The following SLC6A3 variants were observed in gnomAD, a reference collection of about 807,000 sequenced individuals.
SLC6A3 encodes sodium-dependent dopamine transporter.
In SLC6A3, 19 loss-of-function variants were observed where a neutral mutation model predicts 70.4. The ratio of observed to expected loss-of-function variants is 0.27; its 90% CI spans 0.19 to 0.40. The LOEUF (loss-of-function observed/expected upper bound fraction) is 0.40. Ranked by LOEUF, SLC6A3 falls within the 10% of genes least tolerant of loss-of-function variation. The pLI is 1.00. For synonymous variants in SLC6A3, 368 were observed against 356.6 expected, an observed-to-expected ratio of 1.03 and a Z score of -0.36; for missense variants, 613 against 838.5, an observed-to-expected ratio of 0.73 and a Z score of 3.32.
rs1330345680 is a variant in SLC6A3, at chr5:1,445,372, C to G, written c.-70G>C. 1 of 155,952 alleles carries G rather than the reference C, an allele frequency of 6.4e-6. No individual in the cohort carries two copies. Among genetic ancestry groups the G allele is most frequent in the East Asian group, 1.8e-4 (1 of 5,450 alleles). The allele number at this position is 155,952 out of a possible 1,614,324, so 9.7% of individuals were successfully genotyped here. A position where few individuals can be genotyped will look rare whatever the true frequency, so the allele number is the denominator to read the frequency against. On this transcript the variant is annotated 5_prime_UTR_variant, in exon 1 of 15. Coordinates refer to ENST00000270349, the MANE Select transcript of SLC6A3 (RefSeq NM_001044.5). ...CCTGGCCGCCCGGGCCTGGGCTTTGCACGCGAGTCCTGGCGCCGAGAGCGT... is the reference window on the plus strand; with the variant it reads ...CCTGGCCGCCCGGGCCTGGGCTTTGGACGCGAGTCCTGGCGCCGAGAGCGT...
chr5:1,441,602 C>A, intron 2 of SLC6A3, 112 bp from the exon 3 acceptor site: 1 of 1,254,334 alleles, frequency 8.0e-7, no homozygotes. Flanking sequence ...CCGACCGTTT[C>A]ACCCCACTCT....
In SLC6A3 at chr5:1,402,853, C is replaced by T; in HGVS notation, c.1767+69G>A. ...TGACCCAGGCAGGTGAGGACTGGGG[C>T]CATGGACACCCACGGAGCCTTTCTG... On this transcript the variant is annotated intron_variant, in intron 13 of 14. Coordinates refer to ENST00000270349, the MANE Select transcript of SLC6A3 (RefSeq NM_001044.5). The surrounding 1 kb of genome is among the most constrained non-coding windows in gnomAD (Gnocchi z 8.5). 1.3e-6 allele frequency: 2 copies of T among 1,506,348 alleles called. No homozygotes were observed. The highest frequency in any genetic ancestry group is 1.8e-6 in the Non-Finnish European group (2 of 1,094,970). 93.3% of individuals were successfully genotyped at this position (1,506,348 alleles called of 1,614,324 possible).
chr5:1,409,078 C>T lies in SLC6A3; in HGVS notation c.1446G>A (p.Thr482=), dbSNP rs750649054. Residue 482 remains threonine (T), a synonymous_variant, in exon 11 of 15, where the codon ACG becomes ACA. Transcript: ENST00000270349. ...CGATGAGCACTCCAAAGAGGATGGACGTGCCGGCTGCAAAATGGTCCAGGA... is the reference window on the plus strand; with the variant it reads ...CGATGAGCACTCCAAAGAGGATGGATGTGCCGGCTGCAAAATGGTCCAGGA... ...FTLLDHFAAG[T]SILFGVLIEA... The T allele has an allele frequency of 1.8e-5, 29 of 1,612,928 alleles. No homozygotes were observed. Among genetic ancestry groups the T allele is most frequent in the Middle Eastern group, 1.6e-4 (1 of 6,084 alleles).
chr5:1,402,411 C>T lies in SLC6A3; in HGVS notation c.1767+511G>A, dbSNP rs1020027535. Among the ~76,000 whole-genome samples the T allele has an allele frequency of 2.0e-5, 3 of 151,962 alleles. No individual in the cohort carries two copies. The highest frequency in any genetic ancestry group is 2.0e-4 in the Admixed American group (3 of 15,256). ...TCCACTGCCTGGGGCTCCAGCTGCC[C>T]CTGTTCAGCCAAAGTTGGGCTCGGC... On this transcript the variant is annotated intron_variant, in intron 13 of 14. Transcript: ENST00000270349. This position sits in a 1 kb window ranked among gnomAD's most constrained non-coding sequence, Gnocchi z 8.5.
At position 1,401,308 on chromosome 5, in the gene SLC6A3, A is replaced by G; in HGVS notation, c.1768-322T>C. ...GGTCCTGGAGATGGCTCTTGAGTCT[A>G]AGCTACCACGTGTGCTGGGCTCTGA... On this transcript the variant is annotated intron_variant, in intron 13 of 14. Coordinates refer to ENST00000270349, the MANE Select transcript of SLC6A3 (RefSeq NM_001044.5). This position sits in a 1 kb window ranked among gnomAD's most constrained non-coding sequence, Gnocchi z 6.1. The G allele has an allele frequency of 1.8e-6, 1 of 567,836 alleles. No homozygotes were observed. Among genetic ancestry groups the G allele is most frequent in the Non-Finnish European group, 3.3e-6 (1 of 299,132 alleles). 35.2% of individuals were successfully genotyped at this position (567,836 alleles called of 1,614,324 possible).
intron 3 of SLC6A3, among the ~76,000 whole-genome samples, chr5:1,439,966 C>T (rs752141080): frequency 6.6e-6 from 1 of 152,222 alleles, no homozygotes; most frequent in Non-Finnish European, 1.5e-5. Flanking sequence ...TAGTGTGTGC[C>T]CTTCCCAGGG....
Position 1,437,634 on chromosome 5 carries a change from C to T in SLC6A3, c.418+3725G>A, listed in dbSNP as rs1756869700. 6.6e-6 allele frequency among the ~76,000 whole-genome samples: 1 copy of T among 152,236 alleles called. No homozygotes were observed. Among genetic ancestry groups the T allele is most frequent in the Non-Finnish European group, 1.5e-5 (1 of 68,040 alleles). ...TACGGGAAATGCACGTGAGTCATGGCTGCTGAGCAGCTGGGCCTCACCATG... is the reference window on the plus strand; with the variant it reads ...TACGGGAAATGCACGTGAGTCATGGTTGCTGAGCAGCTGGGCCTCACCATG... On this transcript the variant is annotated intron_variant, in intron 3 of 14. Coordinates refer to ENST00000270349, the MANE Select transcript of SLC6A3 (RefSeq NM_001044.5). This position sits in a 1 kb window ranked among gnomAD's most constrained non-coding sequence, Gnocchi z 4.8.
chr5:1,414,491 T>G (rs185034), intron 8 of SLC6A3, among the ~76,000 whole-genome samples, 200 bp downstream of exon 8: 22,618 of 28,742 alleles, frequency 0.79, 9,470 homozygotes, highest in Non-Finnish European at 0.84. Flanking sequence ...GCCTGGAGGG[T>G]CAGGGCGGGG....
intron 14 of SLC6A3, among the ~76,000 whole-genome samples, chr5:1,395,867 G>A (rs964572997): frequency 1.1e-4 from 17 of 152,236 alleles, no homozygotes; most frequent in African/African-American, 3.9e-4. Context: ...CTGGAGGGAG[G>A]TGTGCTTGGG....
chr5:1,403,320 CTCCCATCCCA>C (rs1281829945), intron 12 of SLC6A3, among the ~76,000 whole-genome samples: 1 of 138,232 alleles, frequency 7.2e-6, no homozygotes, highest in Non-Finnish European at 1.6e-5. Context: ...CTCCCCTCCC[CTCCCATCCCA>C]TCCTGTTCCA....
chr5:1,433,009 TC>T (rs1156759815), intron 3 of SLC6A3, among the ~76,000 whole-genome samples: 3 of 151,666 alleles, frequency 2.0e-5, no homozygotes, highest in Admixed American at 6.6e-5. Context: ...ATGGCGAGTA[TC>T]CAGGGCCACC....
chr5:1,405,269 A>C lies in SLC6A3; in HGVS notation c.1599+919T>G, dbSNP rs538519612. ...TCCTCCGGGATAGGGCCTGTCTCTC[A>C]TCTCTTTCCTGTACCCCGGAACCCC... On this transcript the variant is annotated intron_variant, in intron 12 of 14. Transcript: ENST00000270349. This position sits in a 1 kb window ranked among gnomAD's most constrained non-coding sequence, Gnocchi z 5.3. 2.6e-5 allele frequency among the ~76,000 whole-genome samples: 4 copies of C among 152,100 alleles called. No homozygotes were observed. Among genetic ancestry groups the C allele is most frequent in the Non-Finnish European group, 5.9e-5 (4 of 68,004 alleles).
rs756371809 is a variant in SLC6A3 at position 1,401,007 on chromosome 5, AG to A, written c.1768-22del. 970 of 1,575,754 alleles carry A rather than the reference AG, an allele frequency of 6.2e-4. 4 individuals carry two copies. The Middle Eastern group carries it at 0.011, about 18-fold the overall frequency. On this transcript the variant is annotated intron_variant, in intron 13 of 14. Coordinates refer to ENST00000270349, the MANE Select transcript of SLC6A3 (RefSeq NM_001044.5). The surrounding 1 kb of genome is among the most constrained non-coding windows in gnomAD (Gnocchi z 6.1). ...AGTTTCTGAAAGAGAAAGAGAGTGC[AG>A]GGGTCAGTGCAGACCAGTACCCACT...
Position 1,411,327 on chromosome 5 carries a change from C to T in SLC6A3, c.1185G>A (p.Pro395=), listed in dbSNP as rs372175437. 23 of 1,552,298 alleles carry T rather than the reference C, an allele frequency of 1.5e-5. No individual in the cohort carries two copies. Among genetic ancestry groups the T allele is most frequent in the South Asian group, 3.6e-5 (3 of 84,116 alleles). ...DGPGLIFIIY[P]EAIATLPLSS... is the part of the protein sequence containing the mutation. ...ACAGAGGGAGCGTGGCGATGGCTTC[C>T]GGGTAGATGATGAAGATCAGCCCTG... The change falls in exon 9 of 15, where the codon CCG becomes CCA. Residue 395 remains proline, a synonymous_variant. Coordinates refer to ENST00000270349, the MANE Select transcript of SLC6A3 (RefSeq NM_001044.5). This position sits in a 1 kb window ranked among gnomAD's most constrained non-coding sequence, Gnocchi z 6.5.
chr5:1,441,297 G>A, intron 3 of SLC6A3, 62 bp downstream of exon 3: 11 of 1,607,012 alleles, frequency 6.8e-6, no homozygotes, highest in Non-Finnish European at 9.4e-6. Flanking sequence ...TGCTTTGAAA[G>A]CTCCAGCGTC....
rs748753245 is a variant in SLC6A3, at chr5:1,394,789, C to G, written c.1840-31G>C. ...AAGAAAACAGGTTTAGTCAGAAACC[C>G]TGGGGCGATGCCCCATTTAAGAGCA... On this transcript the variant is annotated intron_variant, in intron 14 of 14. Coordinates refer to ENST00000270349, the MANE Select transcript of SLC6A3 (RefSeq NM_001044.5). The surrounding 1 kb of genome is among the most constrained non-coding windows in gnomAD (Gnocchi z 4.7). 1 of 1,613,700 alleles carries G rather than the reference C, an allele frequency of 6.2e-7. No homozygotes were observed. The highest frequency in any genetic ancestry group is 2.2e-5 in the East Asian group (1 of 44,868).
chr5:1,411,016 G>T lies in SLC6A3; in HGVS notation c.1269+227C>A, dbSNP rs983316259. Among the ~76,000 whole-genome samples the T allele has an allele frequency of 2.0e-5, 3 of 152,124 alleles. No individual in the cohort carries two copies. Among genetic ancestry groups the T allele is most frequent in the African/African-American group, 7.2e-5 (3 of 41,430 alleles). ...AGGTGGCTCAGGGCAGGGCACACAG[G>T]TACCCCAGAGTAGGGGGATAAAGGG... On this transcript the variant is annotated intron_variant, in intron 9 of 14. Transcript: ENST00000270349. This position sits in a 1 kb window ranked among gnomAD's most constrained non-coding sequence, Gnocchi z 6.5.
chr5:1,429,434 C>G (rs970432853), intron 4 of SLC6A3, among the ~76,000 whole-genome samples: 8 of 152,132 alleles, frequency 5.3e-5, no homozygotes, highest in Non-Finnish European at 1.2e-4. Flanking sequence ...GGCTGGGCAC[C>G]TTTCTGTTTC....
chr5:1,443,318 G>T (rs1579729765), intron 1 of SLC6A3, 76 bp from the exon 2 acceptor site: 1 of 1,168,980 alleles, frequency 8.6e-7, no homozygotes, highest in Non-Finnish European at 1.3e-6. Flanking sequence ...CATACCTGGT[G>T]CGGAGGGCAG....
Sources: gnomAD v4.1 joint callset for allele counts (sites outside exome capture counted in the v4.1 genomes callset) on GRCh38, gnomAD v4.1.1 for gene constraint, Gnocchi (gnomAD v3.1) non-coding constraint, MANE v1.5 for transcripts, NCBI Gene and HGNC (gene_info 2026-07-23, HGNC 2026-07-21) for gene names.